TACR3: variants seen among roughly 807,000 people sequenced by gnomAD.
TACR3 encodes tachykinin receptor 3, also known as neuromedin-K receptor.
Under a neutral mutation model 35.0 loss-of-function variants are expected in TACR3, and 34 were observed. The observed-to-expected ratio is 0.97, with a 90% CI of 0.74 to 1.30. The LOEUF (loss-of-function observed/expected upper bound fraction) is 1.30, where lower values mean the gene tolerates loss of function less well. Ranked by LOEUF, TACR3 falls within the 50% of genes most tolerant of loss-of-function variation. The pLI, the probability that TACR3 is intolerant of heterozygous loss-of-function variation, is 0.00. For missense variants in TACR3, 558 were observed against 591.7 expected, an observed-to-expected ratio of 0.94 and a Z score of 0.59; for synonymous variants, 233 against 221.1, an observed-to-expected ratio of 1.05 and a Z score of -0.48.
intron 3 of TACR3, among the ~76,000 whole-genome samples, chr4:103,639,788 T>G (rs901389986): frequency 1.3e-5 from 2 of 151,986 alleles, no homozygotes; most frequent in African/African-American, 4.8e-5. Context: ...TACTCAACCC[T>G]TCTAGTTACT....
intron 3 of TACR3, among the ~76,000 whole-genome samples, chr4:103,596,085 CT>C (rs1560799151): frequency 6.7e-6 from 1 of 150,058 alleles, no homozygotes; most frequent in Non-Finnish European, 1.5e-5. Flanking sequence ...TGAACTCATC[CT>C]TTTTTATGGC....
Position 103,719,225 on chromosome 4 carries a change from A to C in TACR3, c.451T>G (p.Trp151Gly). Residue 151 changes from tryptophan to glycine, a missense_variant, in exon 1 of 5, where the codon TGG (tryptophan) becomes GGG (glycine). Coordinates refer to ENST00000304883, the MANE Select transcript of TACR3 (RefSeq NM_001059.3). ...VNFIYALHSE[W>G]YFGANYCRFQ... The stretch of plus-strand genomic sequence containing the variant: ...CGGCAGTAGTTGGCGCCAAAGTACC[A>C]CTCGCTATGAAGCGCGTAGATGAAA... The C allele has an allele frequency of 6.2e-7, 1 of 1,614,106 alleles. No individual in the cohort carries two copies. The highest frequency in any genetic ancestry group is 2.2e-5 in the East Asian group (1 of 44,860).
chr4:103,703,724 C>G (rs1168648735), intron 1 of TACR3, among the ~76,000 whole-genome samples: 1 of 152,086 alleles, frequency 6.6e-6, no homozygotes, highest in Admixed American at 6.5e-5. Flanking sequence ...CACAATTTCT[C>G]ATGCTGGACA....
In TACR3 at chr4:103,656,202, TG is replaced by T; in HGVS notation, c.879del (p.Arg295GlufsTer6). On this transcript the variant is annotated frameshift_variant, in exon 3 of 5. Coordinates refer to ENST00000304883, the MANE Select transcript of TACR3 (RefSeq NM_001059.3). LOFTEE classifies it high-confidence loss of function. Reference sequence around the variant, plus strand: ...ACAACATGGACCAGTACCTTTCTTTTGGCCTTTAGCTGCTCATGATACTTGT... The same window carrying T: ...ACAACATGGACCAGTACCTTTCTTTTGCCTTTAGCTGCTCATGATACTTGT... ...TCDKYHEQLKAKRKVVKMMII... is the reference protein window; with the variant it reads ...TCDKYHEQLKXKRKVVKMMII... 2 of 1,612,988 alleles carry T rather than the reference TG, an allele frequency of 1.2e-6. No individual in the cohort carries two copies. The highest frequency in any genetic ancestry group is 1.7e-6 in the Non-Finnish European group (2 of 1,179,198).
chr4:103,685,816 T>C (rs534272557), intron 1 of TACR3, among the ~76,000 whole-genome samples: 44 of 152,262 alleles, frequency 2.9e-4, no homozygotes, highest in African/African-American at 9.9e-4. Flanking sequence ...GTAGTTAATC[T>C]CTGTAAGAGC....
At chr4:103,652,664 G>A (rs940144899) in intron 3 of TACR3, among the ~76,000 whole-genome samples, 4 of 152,176 alleles carry the variant, frequency 2.6e-5, no homozygotes, top group South Asian at 2.1e-4. Flanking sequence ...GCTCCACCCC[G>A]TGTAGTCTCT....
intron 1 of TACR3, among the ~76,000 whole-genome samples, chr4:103,685,891 G>T (rs1722216607): frequency 6.6e-6 from 1 of 152,130 alleles, no homozygotes; most frequent in Non-Finnish European, 1.5e-5. Flanking sequence ...GCCCTGTGTG[G>T]GTGGGGACAT....
chr4:103,663,966 G>A (rs558901325), intron 1 of TACR3, among the ~76,000 whole-genome samples: 1 of 152,186 alleles, frequency 6.6e-6, no homozygotes, highest in South Asian at 2.1e-4. Flanking sequence ...GATTTTTGCT[G>A]AGCTTCTCAT....
At chr4:103,709,354 A>G (rs544139537) in intron 1 of TACR3, among the ~76,000 whole-genome samples, 43 of 152,344 alleles carry the variant, frequency 2.8e-4, no homozygotes, top group African/African-American at 7.2e-4. Flanking sequence ...CCAATATTCA[A>G]CATTCTTAAA....
At chr4:103,643,741 G>A (rs1578240360) in intron 3 of TACR3, among the ~76,000 whole-genome samples, 1 of 151,786 alleles carries the variant, frequency 6.6e-6, no homozygotes, top group East Asian at 1.9e-4. Context: ...TCAGTTGTGT[G>A]TGTGCCTGTG....
At chr4:103,635,168 G>A (rs940374933) in intron 3 of TACR3, among the ~76,000 whole-genome samples, 2 of 151,808 alleles carry the variant, frequency 1.3e-5, no homozygotes, top group Non-Finnish European at 2.9e-5. Context: ...ACATGACATT[G>A]TACTATAAGT....
chr4:103,633,948 A>G (rs1725123339), intron 3 of TACR3, among the ~76,000 whole-genome samples: 1 of 152,138 alleles, frequency 6.6e-6, no homozygotes, highest in African/African-American at 2.4e-5. Flanking sequence ...GTCAGAACCA[A>G]TCGACCTATC....
intron 3 of TACR3, among the ~76,000 whole-genome samples, chr4:103,603,701 C>T (rs1724268614): frequency 6.6e-6 from 1 of 152,106 alleles, no homozygotes. Context: ...AATGGGATTG[C>T]TGGGTCAAAT....
At chr4:103,660,732 CA>C (rs1371285075) in intron 1 of TACR3, among the ~76,000 whole-genome samples, 3 of 151,478 alleles carry the variant, frequency 2.0e-5, no homozygotes, top group South Asian at 2.1e-4. Flanking sequence ...AAAGTAGTGA[CA>C]AAAAAATACC....
At chr4:103,659,455 A>C (rs1725793861) in intron 1 of TACR3, among the ~76,000 whole-genome samples, 1 of 152,194 alleles carries the variant, frequency 6.6e-6, no homozygotes, top group Non-Finnish European at 1.5e-5. Context: ...TACTTGACAA[A>C]GATGTGAAAC....
intron 1 of TACR3, among the ~76,000 whole-genome samples, chr4:103,718,629 C>A (rs890422459): frequency 6.6e-6 from 1 of 151,668 alleles, no homozygotes; most frequent in Non-Finnish European, 1.5e-5. Flanking sequence ...GGCCTTGGGG[C>A]AAGACTAGGG....
At chr4:103,657,585 TTAAAA>T (rs1725757264) in intron 2 of TACR3, among the ~76,000 whole-genome samples, 1 of 152,094 alleles carries the variant, frequency 6.6e-6, no homozygotes, top group South Asian at 2.1e-4. Flanking sequence ...AAGTACATTA[TTAAAA>T]TAAAATTTAA....
chr4:103,589,946 T>G lies in TACR3; in HGVS notation c.1134A>C (p.Lys378Asn), dbSNP rs760288417. ...KRAFRWCPFIKVSSYDELELK... is the reference protein window; with the variant it reads ...KRAFRWCPFINVSSYDELELK... ...GCTCTAGCTCATCATAGCTGGAAAC[T>G]TTGATGAAAGGACACCAGCGAAATG... Residue 378 changes from lysine (K) to asparagine (N), a missense_variant, in exon 5 of 5, where the codon AAA becomes AAC. Coordinates refer to ENST00000304883, the MANE Select transcript of TACR3 (RefSeq NM_001059.3). 1.9e-6 allele frequency: 3 copies of G among 1,613,936 alleles called. No individual in the cohort carries two copies. The highest frequency in any genetic ancestry group is 2.2e-5 in the South Asian group (2 of 91,088).
At chr4:103,604,711 C>T (rs1467784852) in intron 3 of TACR3, among the ~76,000 whole-genome samples, 2 of 151,982 alleles carry the variant, frequency 1.3e-5, no homozygotes, top group African/African-American at 2.4e-5. Flanking sequence ...ACACCACCAT[C>T]AAAAAGTGGG....
Sources: allele counts gnomAD v4.1 joint callset (sites outside exome capture counted in the v4.1 genomes callset), GRCh38; gene constraint gnomAD v4.1.1; transcripts MANE v1.5; gene names NCBI Gene and HGNC (gene_info 2026-07-23, HGNC 2026-07-21).